Variants in DNAH14 observed in about 807,000 individuals in gnomAD.
The protein encoded by DNAH14 is dynein axonemal heavy chain 14, also known as axonemal beta dynein heavy chain 14.
A neutral mutation model predicts 520.9 loss-of-function variants in DNAH14; 478 were observed. That is an observed-to-expected ratio of 0.92 (90% CI 0.85 to 0.99). The LOEUF is 0.99. Ranked by LOEUF, DNAH14 falls within the 50% of genes least tolerant of loss-of-function variation. The pLI is 0.00. For missense variants in DNAH14, 4,831 were observed against 5,234.5 expected, an observed-to-expected ratio of 0.92 and a Z score of 2.38; for synonymous variants, 1,581 against 1,757.2, an observed-to-expected ratio of 0.90 and a Z score of 2.51.
Position 225,023,981 on chromosome 1 carries a change from AG to A in DNAH14, c.1358+117del, listed in dbSNP as rs372715469. 4.8e-4 allele frequency: 685 copies of A among 1,438,708 alleles called. 6 individuals are homozygous for A. The East Asian group carries it at 0.014, about 28-fold the overall frequency. 89.1% of individuals were successfully genotyped at this position (1,438,708 alleles called of 1,614,324 possible). A position where few individuals can be genotyped will look rare whatever the true frequency, so the allele number is the denominator to read the frequency against. On this transcript the variant is annotated intron_variant, in intron 11 of 85. Coordinates refer to ENST00000682510, the MANE Select transcript of DNAH14 (RefSeq NM_001367479.1). ...AGAGTTTGAAAATTCTCCTTGTGGC[AG>A]AGTACATGTACTCATTTTTGCTATT...
At chr1:225,162,124 T>C (rs2081573735) in intron 35 of DNAH14, among the ~76,000 whole-genome samples, 1 of 152,212 alleles carries the variant, frequency 6.6e-6, no homozygotes, top group Non-Finnish European at 1.5e-5. Context: ...TTCTTGTTAA[T>C]AGTTTCATAA....
chr1:225,203,944 A>G (rs1246630979), intron 38 of DNAH14, among the ~76,000 whole-genome samples: 2 of 152,222 alleles, frequency 1.3e-5, no homozygotes, highest in African/African-American at 4.8e-5. Flanking sequence ...TACAATAAGC[A>G]TGTACTGTCT....
At chr1:225,219,687 G>A (rs897822877) in intron 41 of DNAH14, among the ~76,000 whole-genome samples, 2 of 152,046 alleles carry the variant, frequency 1.3e-5, no homozygotes, top group African/African-American at 4.8e-5. Context: ...ACCAAAAAAA[G>A]CCCAGGACCA....
chr1:225,085,491 T>C, intron 20 of DNAH14, 53 bp from the exon 21 acceptor site: 1 of 1,430,568 alleles, frequency 7.0e-7, no homozygotes, highest in Non-Finnish European at 9.4e-7. Context: ...ATTTTGGACA[T>C]ATCAGGAATT....
At chr1:225,181,513 C>A (rs948642494) in intron 36 of DNAH14, among the ~76,000 whole-genome samples, 1 of 152,096 alleles carries the variant, frequency 6.6e-6, no homozygotes, top group Non-Finnish European at 1.5e-5. Context: ...ATTTTAGTAG[C>A]AGCCTTTCAA....
At chr1:225,190,114 A>G (rs1246422456) in intron 37 of DNAH14, among the ~76,000 whole-genome samples, 1 of 151,992 alleles carries the variant, frequency 6.6e-6, no homozygotes, top group East Asian at 1.9e-4. Context: ...GCCTGGGGCC[A>G]CAGATAGTAC....
chr1:225,343,835 C>G (rs2095241055), intron 69 of DNAH14, among the ~76,000 whole-genome samples: 1 of 151,890 alleles, frequency 6.6e-6, no homozygotes, highest in African/African-American at 2.4e-5. Context: ...TCTTAGGGAG[C>G]AAAATATCTA....
chr1:224,958,571 T>G (rs967792203), intron 3 of DNAH14, among the ~76,000 whole-genome samples: 12 of 152,028 alleles, frequency 7.9e-5, no homozygotes, highest in African/African-American at 2.9e-4. Context: ...AAGAAAGGAA[T>G]GGGGCAATGG....
intron 75 of DNAH14, among the ~76,000 whole-genome samples, 191 bp from the exon 76 acceptor site, chr1:225,364,601 A>G (rs2095530701): frequency 8.1e-6 from 1 of 122,896 alleles, no homozygotes; most frequent in African/African-American, 3.3e-5. Context: ...AAAGAAAGCT[A>G]CTCTTAAAAT....
At chr1:224,934,722 G>A (rs1266831238) in intron 1 of DNAH14, among the ~76,000 whole-genome samples, 8 of 151,476 alleles carry the variant, frequency 5.3e-5, no homozygotes, top group South Asian at 4.2e-4. Flanking sequence ...AGATCCCCAC[G>A]GCACATTATG....
At chr1:225,359,575 C>T (rs2095470443) in intron 74 of DNAH14, among the ~76,000 whole-genome samples, 1 of 152,146 alleles carries the variant, frequency 6.6e-6, no homozygotes, top group African/African-American at 2.4e-5. Context: ...TCATTTCAAA[C>T]TTTGATTTTA....
intron 1 of DNAH14, among the ~76,000 whole-genome samples, chr1:224,948,460 AT>A (rs1020329979): frequency 1.3e-5 from 2 of 151,582 alleles, no homozygotes; most frequent in African/African-American, 4.8e-5. Flanking sequence ...TTGTATCTTT[AT>A]GTTTCGGAAA....
intron 68 of DNAH14, among the ~76,000 whole-genome samples, chr1:225,338,667 G>A (rs2095113022): frequency 6.6e-6 from 1 of 152,116 alleles, no homozygotes; most frequent in Non-Finnish European, 1.5e-5. Flanking sequence ...ACTTGTACTA[G>A]CCAATTTCAC....
Position 225,386,931 on chromosome 1 carries a change from T to C in DNAH14, c.13078-1448T>C, listed in dbSNP as rs564271713. On this transcript the variant is annotated intron_variant, in intron 81 of 85. Coordinates refer to ENST00000682510, the MANE Select transcript of DNAH14 (RefSeq NM_001367479.1). ...CATGCTGCTATAATATAAAGACACATGCACACGTATGTTTATTGCGGCACT... is the reference window on the plus strand; with the variant it reads ...CATGCTGCTATAATATAAAGACACACGCACACGTATGTTTATTGCGGCACT... Among the ~76,000 whole-genome samples the C allele has an allele frequency of 1.1e-4, 16 of 152,292 alleles. No individual in the cohort carries two copies. The South Asian group carries it at 3.1e-3, about 30-fold the overall frequency.
At chr1:225,050,413 A>G (rs1404531348) in intron 16 of DNAH14, 37 bp downstream of exon 16, 3 of 1,508,368 alleles carry the variant, frequency 2.0e-6, no homozygotes, top group Non-Finnish European at 2.7e-6. Context: ...GAAATGTTTA[A>G]GGAGCAGAAA....
chr1:224,945,198 AT>A (rs908619654), intron 1 of DNAH14, among the ~76,000 whole-genome samples: 3 of 149,906 alleles, frequency 2.0e-5, no homozygotes, highest in Non-Finnish European at 4.5e-5. Context: ...ATTTCTTTTT[AT>A]TTTTTTTTCT....
rs2095673819 is a variant in DNAH14 at position 225,374,692 on chromosome 1, C to T, written c.12323C>T (p.Ala4108Val). The change falls in exon 78 of 86, where the codon GCC becomes GTC. Residue 4108 changes from alanine (A) to valine (V), a missense_variant. Ala to Val is a moderately conservative substitution (Grantham distance 64). Transcript: ENST00000682510. ...YKFNSSDLGV[A>V]IKVLENSLRG... is the part of the protein sequence containing the mutation. Reference sequence around the variant, plus strand: ...AGACTCATGGGTTTTCCAAAGGTTGCCATTAAGGTGTTGGAAAATTCCCTG... The same window carrying T: ...AGACTCATGGGTTTTCCAAAGGTTGTCATTAAGGTGTTGGAAAATTCCCTG... 2.6e-6 allele frequency: 4 copies of T among 1,545,530 alleles called. No homozygotes were observed. Among genetic ancestry groups the T allele is most frequent in the Non-Finnish European group, 3.5e-6 (4 of 1,143,074 alleles).
intron 61 of DNAH14, among the ~76,000 whole-genome samples, chr1:225,319,793 G>T (rs918285152): frequency 1.3e-5 from 2 of 152,136 alleles, no homozygotes; most frequent in African/African-American, 2.4e-5. Context: ...TTGGAGCAGA[G>T]AACTGAATGA....
Position 225,283,725 on chromosome 1 carries a change from A to G in DNAH14, c.8272-6160A>G, listed in dbSNP as rs370857119. Among the ~76,000 whole-genome samples the G allele has an allele frequency of 3.9e-5, 6 of 152,258 alleles. No individual in the cohort carries two copies. The East Asian group carries it at 9.7e-4, about 25-fold the overall frequency. ...AGAAGACTCCACTAACAACAGCAAA[A>G]CACATATTCTTTTGAAGCAAACATG... On this transcript the variant is annotated intron_variant, in intron 54 of 85. Transcript: ENST00000682510.
Sources: allele counts gnomAD v4.1 joint callset (sites outside exome capture counted in the v4.1 genomes callset), GRCh38; gene constraint gnomAD v4.1.1; transcripts MANE v1.5; gene names NCBI Gene and HGNC (gene_info 2026-07-23, HGNC 2026-07-21).